Variants in HSPG2 observed in about 807,000 individuals in gnomAD.
The protein encoded by HSPG2 is heparan sulfate proteoglycan 2.
HSPG2 carries 278 observed loss-of-function variants against 526.6 expected under a neutral mutation model. The ratio of observed to expected loss-of-function variants is 0.53; its 90% CI spans 0.48 to 0.58. The LOEUF (loss-of-function observed/expected upper bound fraction) is 0.58. HSPG2 is among the 20% of genes least tolerant of loss of function. HSPG2 has a pLI of 0.00. For synonymous variants in HSPG2, 2,465 were observed against 2,555.4 expected, an observed-to-expected ratio of 0.96 and a Z score of 1.07; for missense variants, 5,354 against 6,099.5, an observed-to-expected ratio of 0.88 and a Z score of 4.07.
chr1:21,863,748 T>C (rs933086944), intron 37 of HSPG2, among the ~76,000 whole-genome samples: 1 of 151,084 alleles, frequency 6.6e-6, no homozygotes, highest in Non-Finnish European at 1.5e-5. Flanking sequence ...GGCTCACGCC[T>C]GTAATCCCAG....
intron 1 of HSPG2, among the ~76,000 whole-genome samples, chr1:21,920,635 T>C (rs1644011306): frequency 6.6e-6 from 1 of 152,260 alleles, no homozygotes; most frequent in African/African-American, 2.4e-5. Flanking sequence ...TCAGCCTGCC[T>C]GCTTCACACA....
chr1:21,888,636 T>A, intron 6 of HSPG2: 2 of 1,356,474 alleles, frequency 1.5e-6, no homozygotes, highest in Non-Finnish European at 2.0e-6. Context: ...TCTAGGAACC[T>A]GGCTGGGCCT....
intron 1 of HSPG2, chr1:21,908,606 C>T: frequency 1.5e-6 from 1 of 650,914 alleles, no homozygotes; most frequent in South Asian, 1.8e-5. Flanking sequence ...AAAAAAAGAC[C>T]TCTGGGCTGT....
chr1:21,877,074 A>AAG (rs1641134011), intron 21 of HSPG2, among the ~76,000 whole-genome samples: 1 of 119,556 alleles, frequency 8.4e-6, no homozygotes, highest in Non-Finnish European at 1.9e-5. Context: ...AAAAAAAAAA[A>AAG]AAGAAAAGAA....
Position 21,848,985 on chromosome 1 carries a change from G to T in HSPG2, c.7493C>A (p.Ser2498Ter). 1 of 1,614,080 alleles carries T rather than the reference G, an allele frequency of 6.2e-7. No individual in the cohort carries two copies. The highest frequency in any genetic ancestry group is 8.5e-7 in the Non-Finnish European group (1 of 1,180,028). The change falls in exon 58 of 97, where the codon TCA (serine) becomes TAA (stop). Residue 2498 changes from serine (S) to a stop codon, truncating the protein, a stop_gained. Transcript: ENST00000374695. LOFTEE classifies it high-confidence loss of function. The surrounding 1 kb of genome is among the most constrained non-coding windows in gnomAD (Gnocchi z 4.9). ...LRLLQVTPADSGEYVCRVVGS... is the reference protein window; with the variant it reads ...LRLLQVTPAD The stretch of plus-strand genomic sequence containing the variant: ...GACCACACGGCACACGTACTCCCCT[G>T]AATCAGCTGGGGTCACCTGGAGCAG...
intron 1 of HSPG2, among the ~76,000 whole-genome samples, chr1:21,921,857 C>G (rs1265122182): frequency 6.6e-6 from 1 of 152,192 alleles, no homozygotes; most frequent in Non-Finnish European, 1.5e-5. Context: ...TCCCTGAGAG[C>G]ATTTACAGAG....
chr1:21,937,189 A>G lies in HSPG2; in HGVS notation c.29T>C (p.Leu10Pro). 1 of 1,084,906 alleles carries G rather than the reference A, an allele frequency of 9.2e-7. No individual in the cohort carries two copies. The highest frequency in any genetic ancestry group is 1.1e-6 in the Non-Finnish European group (1 of 884,852). 67.2% of individuals were successfully genotyped at this position (1,084,906 alleles called of 1,614,324 possible). A position where few individuals can be genotyped will look rare whatever the true frequency, so the allele number is the denominator to read the frequency against. ...CCGCCCGTGCAGCAGCAGCGCCAGC[A>G]GCAGCGCGCCCGCCGCCCGCCACCC... is the stretch of plus-strand genomic sequence containing the variant. MGWRAAGAL[L>P]LALLLHGRLL... Residue 10 changes from leucine to proline, a missense_variant, in exon 1 of 97, where the codon CTG (leucine) becomes CCG (proline). By Grantham distance (98) the Leu-to-Pro change is moderately conservative (BLOSUM62 -3). Transcript: ENST00000374695.
In HSPG2 at chr1:21,904,668, G is replaced by A. The variant is rs1217730069; in HGVS notation, c.64-8358C>T. Reference sequence around the variant, plus strand: ...TGCCCTTGCCTCACCCATGTGCCAGGTGTGGCCAAGGCGGTGGGGGTGGCC... The same window carrying A: ...TGCCCTTGCCTCACCCATGTGCCAGATGTGGCCAAGGCGGTGGGGGTGGCC... On this transcript the variant is annotated intron_variant, in intron 1 of 96. Coordinates refer to ENST00000374695, the MANE Select transcript of HSPG2 (RefSeq NM_005529.7). The surrounding 1 kb of genome is among the most constrained non-coding windows in gnomAD (Gnocchi z 4.4). Among the ~76,000 whole-genome samples, 1 of 152,236 alleles carries A rather than the reference G, an allele frequency of 6.6e-6. No individual in the cohort carries two copies. The highest frequency in any genetic ancestry group is 1.9e-4 in the East Asian group (1 of 5,194).
chr1:21,833,060 A>T, intron 80 of HSPG2: 1 of 632,546 alleles, frequency 1.6e-6, no homozygotes, highest in Admixed American at 2.3e-5. Flanking sequence ...GGCTGGAGAT[A>T]TCACAGAGGC....
Position 21,887,738 on chromosome 1 carries a change from C to T in HSPG2, c.704-64G>A. ...TGGCTCCTCACCTGCTCCTTGTCCC[C>T]AACCCTCCCCAGGCCCACCCTGTAC... On this transcript the variant is annotated intron_variant, in intron 7 of 96. Transcript: ENST00000374695. This position sits in a 1 kb window ranked among gnomAD's most constrained non-coding sequence, Gnocchi z 5.0. 3 of 1,608,568 alleles carry T rather than the reference C, an allele frequency of 1.9e-6. No individual in the cohort carries two copies. Among genetic ancestry groups the T allele is most frequent in the Non-Finnish European group, 2.6e-6 (3 of 1,175,686 alleles).
chr1:21,875,281 C>A, intron 25 of HSPG2: 2 of 597,064 alleles, frequency 3.3e-6, no homozygotes, highest in Non-Finnish European at 6.0e-6. Context: ...AGCCCACGGG[C>A]CTGAAAGAAC....
chr1:21,836,930 C>A lies in HSPG2; in HGVS notation c.10227G>T (p.Glu3409Asp), dbSNP rs1171609104. The A allele has an allele frequency of 6.4e-7, 1 of 1,557,928 alleles. No homozygotes were observed. The highest frequency in any genetic ancestry group is 1.4e-5 in the African/African-American group (1 of 73,536). ...TPTVQVTPQL[E>D]TKSIGASVEF... ...CAACGCTGGCCCCAATGCTCTTGGTCTCTAGCTGAGGCGTGACCTGCACGG... is the reference window on the plus strand; with the variant it reads ...CAACGCTGGCCCCAATGCTCTTGGTATCTAGCTGAGGCGTGACCTGCACGG... Residue 3409 changes from glutamate to aspartate, a missense_variant, in exon 75 of 97, where the codon GAG (glutamate) becomes GAT (aspartate). Glu to Asp is a conservative substitution (Grantham distance 45, BLOSUM62 2). Transcript: ENST00000374695.
intron 74 of HSPG2, among the ~76,000 whole-genome samples, chr1:21,838,527 C>T (rs1315252397): frequency 6.6e-6 from 1 of 152,278 alleles, no homozygotes; most frequent in Non-Finnish European, 1.5e-5. Flanking sequence ...TGAGCATTCT[C>T]ACTGCCTGGC....
Position 21,848,177 on chromosome 1 carries a change from A to G in HSPG2, c.7738-84T>C. On this transcript the variant is annotated intron_variant, in intron 59 of 96. Transcript: ENST00000374695. The surrounding 1 kb of genome is among the most constrained non-coding windows in gnomAD (Gnocchi z 4.9). ...TGGGCACTGCTGCCGCTGCCCCTGG[A>G]CTCTGGGGGCCTCCCTGCCTTGCCT... 13 of 1,478,490 alleles carry G rather than the reference A, an allele frequency of 8.8e-6. No homozygotes were observed. Among genetic ancestry groups the G allele is most frequent in the Non-Finnish European group, 1.1e-5 (12 of 1,093,166 alleles). The allele number at this position is 1,478,490 out of a possible 1,614,324, so 91.6% of individuals were successfully genotyped here.
chr1:21,911,230 G>C (rs1572433262), intron 1 of HSPG2, among the ~76,000 whole-genome samples: 1 of 152,194 alleles, frequency 6.6e-6, no homozygotes, highest in Non-Finnish European at 1.5e-5. Flanking sequence ...CCCTCCCCAA[G>C]GGCAGCAGCT....
Position 21,833,570 on chromosome 1 carries a change from C to T in HSPG2, c.10875G>A (p.Met3625Ile). 1 of 1,614,186 alleles carries T rather than the reference C, an allele frequency of 6.2e-7. No individual in the cohort carries two copies. Residue 3625 changes from methionine to isoleucine, a missense_variant, in exon 79 of 97, where the codon ATG becomes ATA. Met to Ile is a conservative substitution (Grantham distance 10, BLOSUM62 1). Coordinates refer to ENST00000374695, the MANE Select transcript of HSPG2 (RefSeq NM_005529.7). ...LPPDSRLENN[M>I]LMLPSVRPQD... The stretch of plus-strand genomic sequence containing the variant: ...GGGGTCGGACTGAGGGCAGCATCAG[C>T]ATGTTGTTCTCCAGGCGGCTGTCAG...
At chr1:21,917,943 T>A (rs1453914984) in intron 1 of HSPG2, among the ~76,000 whole-genome samples, 1 of 151,492 alleles carries the variant, frequency 6.6e-6, no homozygotes, top group Non-Finnish European at 1.5e-5. Context: ...GACACCAAGT[T>A]TTTTTTTTTC....
At chr1:21,934,872 G>T (rs953528450) in intron 1 of HSPG2, among the ~76,000 whole-genome samples, 1 of 151,918 alleles carries the variant, frequency 6.6e-6, no homozygotes, top group African/African-American at 2.4e-5. Context: ...TGGGATTACT[G>T]GCGTGTGCCA....
chr1:21,857,806 T>G (rs1210763125), intron 42 of HSPG2, among the ~76,000 whole-genome samples: 1 of 152,078 alleles, frequency 6.6e-6, no homozygotes, highest in Admixed American at 6.5e-5. Flanking sequence ...GACACACACT[T>G]ATGGAGAAAA....
Sources: gnomAD v4.1 joint callset for allele counts (sites outside exome capture counted in the v4.1 genomes callset) on GRCh38, gnomAD v4.1.1 for gene constraint, Gnocchi (gnomAD v3.1) non-coding constraint, MANE v1.5 for transcripts, NCBI Gene and HGNC (gene_info 2026-07-23, HGNC 2026-07-21) for gene names.